Variants in UBE2J2 observed in about 807,000 individuals in gnomAD.
UBE2J2 encodes the protein ubiquitin conjugating enzyme E2 J2.
A neutral mutation model predicts 28.6 loss-of-function variants in UBE2J2; 5 were observed. The observed-to-expected ratio is 0.17, with a 90% CI of 0.09 to 0.37. UBE2J2 has a LOEUF of 0.37. Ranked by LOEUF, UBE2J2 falls within the 10% of genes least tolerant of loss-of-function variation. The pLI, the probability that UBE2J2 is intolerant of heterozygous loss-of-function variation, is 1.00. For synonymous variants in UBE2J2, 138 were observed against 139.7 expected (o/e 0.99, Z 0.09); for missense variants, 226 against 338.9 (o/e 0.67, Z 2.62).
chr1:1,267,720 G>A (rs1002102641), intron 2 of UBE2J2, 142 bp downstream of exon 2: 72 of 1,507,564 alleles, frequency 4.8e-5, no homozygotes, highest in Non-Finnish European at 6.2e-5. Context: ...AGGCCCCTGG[G>A]CACCCCACTC....
chr1:1,262,634 T>C (rs749877285), intron 3 of UBE2J2, among the ~76,000 whole-genome samples: 3 of 152,234 alleles, frequency 2.0e-5, no homozygotes, highest in Non-Finnish European at 4.4e-5. Context: ...CAGCAACTGC[T>C]GACCTGGCCC....
At chr1:1,257,576 C>T (rs1003854681) in intron 3 of UBE2J2, among the ~76,000 whole-genome samples, 5 of 150,862 alleles carry the variant, frequency 3.3e-5, no homozygotes, top group East Asian at 1.9e-4. Flanking sequence ...CAGACCCCCA[C>T]TGCCCCGGGA....
chr1:1,256,914 C>T, intron 5 of UBE2J2, 78 bp downstream of exon 5: 1 of 924,188 alleles, frequency 1.1e-6, no homozygotes, highest in Non-Finnish European at 1.5e-6. Flanking sequence ...AAAAAAAAGG[C>T]AGCTGCAACT....
rs186845275 is a variant in UBE2J2, at chr1:1,259,885, G to A, written c.173-2575C>T. Among the ~76,000 whole-genome samples the A allele has an allele frequency of 1.4e-3, 217 of 152,204 alleles. 1 individual carries two copies. Among genetic ancestry groups the A allele is most frequent in the African/African-American group, 4.3e-3 (179 of 41,496 alleles). On this transcript the variant is annotated intron_variant, in intron 3 of 6. Coordinates refer to ENST00000349431, the MANE Select transcript of UBE2J2 (RefSeq NM_058167.3). ...AACGCCCTGGACCCAATAAAGGGTC[G>A]GCCTGGGGGTTCCAGTCTCTCTCCA... is the stretch of plus-strand genomic sequence containing the variant.
At chr1:1,262,348 C>T (rs1262331510) in intron 3 of UBE2J2, 1 of 456,346 alleles carries the variant, frequency 2.2e-6, no homozygotes, top group Middle Eastern at 3.4e-4. Context: ...TGTACTCCCG[C>T]ACTCTGGCTG....
intron 3 of UBE2J2, 60 bp from the exon 4 acceptor site, chr1:1,257,370 C>T: frequency 2.1e-6 from 2 of 973,108 alleles, no homozygotes; most frequent in Non-Finnish European, 1.5e-6. Flanking sequence ...CTCCTGGAGA[C>T]CTCGTCCCCA....
At chr1:1,264,066 A>G (rs1326570896) in intron 2 of UBE2J2, among the ~76,000 whole-genome samples, 2 of 152,238 alleles carry the variant, frequency 1.3e-5, no homozygotes, top group African/African-American at 4.8e-5. Context: ...GATATCACAC[A>G]TGCAGGCTAA....
intron 2 of UBE2J2, chr1:1,267,616 C>A: frequency 2.9e-6 from 3 of 1,019,204 alleles, no homozygotes; most frequent in Non-Finnish European, 2.6e-6. Flanking sequence ...AAGGGCCCCA[C>A]ACCGGAGATT....
intron 3 of UBE2J2, 86 bp downstream of exon 3, chr1:1,263,260 T>C: frequency 7.9e-7 from 1 of 1,265,426 alleles, no homozygotes; most frequent in Non-Finnish European, 1.2e-6. Context: ...AGGCTGCTGT[T>C]TGCAAATAAA....
chr1:1,263,974 G>C (rs1639706006), intron 2 of UBE2J2, among the ~76,000 whole-genome samples: 1 of 152,212 alleles, frequency 6.6e-6, no homozygotes, highest in Non-Finnish European at 1.5e-5. Flanking sequence ...TTGGGCAACA[G>C]AGTGAGACCC....
At chr1:1,264,290 G>A (rs746423679) in intron 2 of UBE2J2, among the ~76,000 whole-genome samples, 9 of 152,146 alleles carry the variant, frequency 5.9e-5, no homozygotes, top group Non-Finnish European at 1.3e-4. Flanking sequence ...AAATAAATAA[G>A]GCTTCTGCTT....
chr1:1,255,795 G>A (rs1198946890), intron 6 of UBE2J2, among the ~76,000 whole-genome samples: 1 of 152,196 alleles, frequency 6.6e-6, no homozygotes, highest in African/African-American at 2.4e-5. Flanking sequence ...CCACCCAGCT[G>A]GCTGCTCAGA....
chr1:1,271,256 C>T (rs1280564032), intron 1 of UBE2J2, among the ~76,000 whole-genome samples: 1 of 152,260 alleles, frequency 6.6e-6, no homozygotes. Context: ...CCAGGGATCT[C>T]CCCTCAGGCC....
chr1:1,259,292 A>T, intron 3 of UBE2J2, among the ~76,000 whole-genome samples: 1 of 148,638 alleles, frequency 6.7e-6, no homozygotes, highest in Non-Finnish European at 1.5e-5. Context: ...TGCCATCAGG[A>T]CGCGTGTGCA....
chr1:1,261,042 G>A (rs758433215), intron 3 of UBE2J2, among the ~76,000 whole-genome samples: 1 of 152,222 alleles, frequency 6.6e-6, no homozygotes, highest in Non-Finnish European at 1.5e-5. Flanking sequence ...GGCAGGAAAA[G>A]GGGTCAGAAA....
chr1:1,264,868 G>A lies in UBE2J2; in HGVS notation c.132-1482C>T, dbSNP rs565171975. 7.8e-5 allele frequency: 12 copies of A among 154,112 alleles called. No individual in the cohort carries two copies. The Middle Eastern group carries it at 3.1e-3, about 39-fold the overall frequency. 9.5% of individuals were successfully genotyped at this position (154,112 alleles called of 1,614,324 possible). A position where few individuals can be genotyped will look rare whatever the true frequency, so the allele number is the denominator to read the frequency against. Reference sequence around the variant, plus strand: ...GGTTGCAGTGAGCCGAGGTCACACCGCTGCACTCCAGCCTGAGTGACAGAA... The same window carrying A: ...GGTTGCAGTGAGCCGAGGTCACACCACTGCACTCCAGCCTGAGTGACAGAA... On this transcript the variant is annotated intron_variant, in intron 2 of 6. Coordinates refer to ENST00000349431, the MANE Select transcript of UBE2J2 (RefSeq NM_058167.3).
chr1:1,271,955 C>G (rs913633395), intron 1 of UBE2J2, among the ~76,000 whole-genome samples: 7 of 106,270 alleles, frequency 6.6e-5, no homozygotes, highest in African/African-American at 3.7e-5. Flanking sequence ...GCCTGGGCAA[C>G]AAGAGCGAAA....
chr1:1,270,260 A>G (rs181371908), intron 1 of UBE2J2, among the ~76,000 whole-genome samples: 1 of 152,322 alleles, frequency 6.6e-6, no homozygotes, highest in Admixed American at 6.5e-5. Context: ...ACCTGTAGAC[A>G]GCCACACATT....
chr1:1,273,555 G>A (rs893728947), intron 1 of UBE2J2, 111 bp downstream of exon 1: 3 of 151,902 alleles, frequency 2.0e-5, no homozygotes, highest in Non-Finnish European at 2.9e-5. Context: ...GGGCGCGAAC[G>A]GAGAAGCGTC....
Sources: gnomAD v4.1 joint callset for allele counts (sites outside exome capture counted in the v4.1 genomes callset) on GRCh38, gnomAD v4.1.1 for gene constraint, MANE v1.5 for transcripts, NCBI Gene and HGNC (gene_info 2026-07-23, HGNC 2026-07-21) for gene names.